Variants in SP100 observed in about 807,000 individuals in gnomAD.
The protein encoded by SP100 is SP100 nuclear body protein, also known as nuclear autoantigen Sp-100.
Under a neutral mutation model 130.0 loss-of-function variants are expected in SP100, and 84 were observed. The observed-to-expected ratio is 0.65, with a 90% CI of 0.54 to 0.77. The LOEUF is 0.77. Among genes scored for constraint, SP100 ranks in the 30% least tolerant of loss-of-function variants. SP100 has a pLI of 0.00. For synonymous variants in SP100, 331 were observed against 351.7 expected (o/e 0.94, Z 0.66); for missense variants, 978 against 1,052.2 (o/e 0.93, Z 0.97).
intron 8 of SP100, among the ~76,000 whole-genome samples, chr2:230,456,609 TTTTC>T (rs1480140261): frequency 6.6e-6 from 1 of 152,196 alleles, no homozygotes; most frequent in African/African-American, 2.4e-5. Context: ...TTTCATTCTC[TTTTC>T]TTTTTCTTCT....
At chr2:230,516,107 T>G in intron 24 of SP100, 5 of 962,394 alleles carry the variant, frequency 5.2e-6, no homozygotes, top group Non-Finnish European at 6.2e-6. Context: ...ATGAGGGAAC[T>G]GTGTAGACAA....
At chr2:230,477,049 T>G (rs898397504) in intron 17 of SP100, among the ~76,000 whole-genome samples, 6 of 152,072 alleles carry the variant, frequency 3.9e-5, no homozygotes, top group Non-Finnish European at 8.8e-5. Flanking sequence ...GTACTTTTAG[T>G]AGAGTCGGTG....
intron 9 of SP100, among the ~76,000 whole-genome samples, chr2:230,462,194 A>AG (rs772459796): frequency 3.4e-4 from 52 of 152,202 alleles, no homozygotes; most frequent in Admixed American, 5.9e-4. Context: ...AAATAGAATG[A>AG]GGGTTGGGGT....
chr2:230,528,136 C>T (rs1468201916), intron 24 of SP100, among the ~76,000 whole-genome samples: 1 of 152,160 alleles, frequency 6.6e-6, no homozygotes, highest in Admixed American at 6.5e-5. Context: ...ATTCTTCTCA[C>T]CACCACATCA....
At chr2:230,485,215 G>A (rs568455558) in intron 17 of SP100, among the ~76,000 whole-genome samples, 24 of 152,140 alleles carry the variant, frequency 1.6e-4, no homozygotes, top group Admixed American at 3.3e-4. Flanking sequence ...AGCCTCCCAA[G>A]TAGCTGGGAT....
chr2:230,499,514 G>GATAGATATATATATTTATATATATATTTA (rs1575752224), intron 19 of SP100, among the ~76,000 whole-genome samples: 1 of 21,916 alleles, frequency 4.6e-5, no homozygotes, highest in African/African-American at 1.8e-4. Context: ...ATATATAAAT[G>GATAGATATATATATTTATATATATATTTA]TATGCAACTG....
rs116486779 is a variant in SP100, at chr2:230,444,603, G to A, written c.439+257G>A. Among the ~76,000 whole-genome samples, 1,402 of 152,278 alleles carry A rather than the reference G, an allele frequency of 9.2e-3. 23 individuals are homozygous for A. The highest frequency in any genetic ancestry group is 0.032 in the African/African-American group (1,343 of 41,554). ...ACTGGCATCAGATTTACTTAGAAGAGTATAGGATAAGAAACAGAATCCCAA... is the reference window on the plus strand; with the variant it reads ...ACTGGCATCAGATTTACTTAGAAGAATATAGGATAAGAAACAGAATCCCAA... On this transcript the variant is annotated intron_variant, in intron 4 of 28. Transcript: ENST00000340126.
chr2:230,504,489 T>C (rs1229328530), intron 21 of SP100, among the ~76,000 whole-genome samples, 199 bp downstream of exon 21: 1 of 152,080 alleles, frequency 6.6e-6, no homozygotes, highest in African/African-American at 2.4e-5. Context: ...AAACATACCA[T>C]AGGGAAAATG....
At position 230,467,132 on chromosome 2, in the gene SP100, A is replaced by G. The variant is rs746535157; in HGVS notation, c.1208A>G (p.Asp403Gly). 28 of 1,613,528 alleles carry G rather than the reference A, an allele frequency of 1.7e-5. No individual in the cohort carries two copies. In the Admixed American group the frequency reaches 4.7e-4, roughly 27 times the overall value. The change falls in exon 13 of 29, where the codon GAC becomes GGC. Residue 403 changes from aspartate (D) to glycine (G), a missense_variant. By Grantham distance (94) the Asp-to-Gly change is moderately conservative (BLOSUM62 -1). Transcript: ENST00000340126. ...CTCCTTTCTGCAGTGATAGGACAAG[A>G]CCACGACTTTTCAGAATCCAGTGAG... ...ESFKKRVIGQDHDFSESSEEE... is the reference protein window; with the variant it reads ...ESFKKRVIGQGHDFSESSEEE...
At chr2:230,456,283 T>G (rs998038627) in intron 8 of SP100, among the ~76,000 whole-genome samples, 1 of 152,222 alleles carries the variant, frequency 6.6e-6, no homozygotes. Flanking sequence ...ACTGTTGTCC[T>G]TATTAAAACT....
chr2:230,534,754 T>G (rs1302389323), intron 24 of SP100, among the ~76,000 whole-genome samples: 1 of 152,236 alleles, frequency 6.6e-6, no homozygotes, highest in African/African-American at 2.4e-5. Flanking sequence ...TTTTAATATA[T>G]GCCATCAGTA....
intron 17 of SP100, among the ~76,000 whole-genome samples, chr2:230,490,541 A>G (rs1461506198): frequency 6.6e-6 from 1 of 152,158 alleles, no homozygotes; most frequent in African/African-American, 2.4e-5. Flanking sequence ...TCAAGATGCT[A>G]TCTGGTTATT....
intron 24 of SP100, among the ~76,000 whole-genome samples, chr2:230,527,555 G>C (rs12991608): frequency 0.18 from 27,839 of 152,012 alleles, 3,057 homozygotes; most frequent in African/African-American, 0.31. Context: ...ATAATGACAG[G>C]ATCAAACTCA....
At chr2:230,502,583 C>A (rs2067097661) in intron 19 of SP100, among the ~76,000 whole-genome samples, 1 of 152,204 alleles carries the variant, frequency 6.6e-6, no homozygotes, top group South Asian at 2.1e-4. Context: ...TCCTGGCATA[C>A]AACAAGCACT....
Position 230,540,911 on chromosome 2 carries a change from C to T in SP100, c.2246C>T (p.Thr749Ile), listed in dbSNP as rs1036321149. The change falls in exon 26 of 29, where the codon ACT (threonine) becomes ATT (isoleucine). Residue 749 changes from threonine to isoleucine, a missense_variant. Transcript: ENST00000340126. ...AGTTGCATCTTCTGCAGGATAAAGA[C>T]TATTCAGGAAAGATGCCCAGAAAGC... ...PWSCIFCRIK[T>I]IQERCPESQS... 6.2e-7 allele frequency: 1 copy of T among 1,613,518 alleles called. No homozygotes were observed. Among genetic ancestry groups the T allele is most frequent in the Non-Finnish European group, 8.5e-7 (1 of 1,179,558 alleles).
At chr2:230,428,623 T>C (rs2063009188) in intron 2 of SP100, among the ~76,000 whole-genome samples, 1 of 152,146 alleles carries the variant, frequency 6.6e-6, no homozygotes, top group African/African-American at 2.4e-5. Flanking sequence ...TTTGTATTTT[T>C]AGTAGAGACA....
intron 15 of SP100, among the ~76,000 whole-genome samples, chr2:230,471,281 G>A (rs537217740): frequency 6.6e-6 from 1 of 152,326 alleles, no homozygotes; most frequent in South Asian, 2.1e-4. Context: ...GGAGAACGAA[G>A]TGTGGCCAGA....
At chr2:230,540,615 C>G (rs1402236664) in intron 25 of SP100, among the ~76,000 whole-genome samples, 1 of 152,128 alleles carries the variant, frequency 6.6e-6, no homozygotes, top group African/African-American at 2.4e-5. Context: ...GATGGAAACC[C>G]TAAGTTTTGA....
intron 17 of SP100, among the ~76,000 whole-genome samples, chr2:230,491,031 T>A (rs2066364773): frequency 6.6e-6 from 1 of 152,200 alleles, no homozygotes; most frequent in South Asian, 2.1e-4. Context: ...CCTTGCTAGG[T>A]TGGGGAAGTT....
Sources: gnomAD v4.1 joint callset for allele counts (sites outside exome capture counted in the v4.1 genomes callset) on GRCh38, gnomAD v4.1.1 for gene constraint, MANE v1.5 for transcripts, NCBI Gene and HGNC (gene_info 2026-07-23, HGNC 2026-07-21) for gene names.